Variants in PTPRD observed in about 807,000 individuals in gnomAD.
PTPRD encodes the protein protein tyrosine phosphatase receptor type D, also known as receptor-type tyrosine-protein phosphatase delta.
In PTPRD, 34 loss-of-function variants were observed where a neutral mutation model predicts 214.5. The observed-to-expected ratio is 0.16, with a 90% CI of 0.12 to 0.21. The LOEUF is 0.21. Among genes scored for constraint, PTPRD ranks in the 10% least tolerant of loss-of-function variants. The pLI, the probability that PTPRD is intolerant of heterozygous loss-of-function variation, is 1.00. For missense variants in PTPRD, 2,545 were observed against 2,398.7 expected, an observed-to-expected ratio of 1.06 and a Z score of -1.27; for synonymous variants, 1,128 against 845.7, an observed-to-expected ratio of 1.33 and a Z score of -5.79.
intron 9 of PTPRD, among the ~76,000 whole-genome samples, chr9:9,240,454 T>C (rs1275598126): frequency 1.3e-5 from 2 of 152,118 alleles, no homozygotes. Context: ...GGGCAGATCA[T>C]GAGGTCAGGA....
At chr9:9,084,355 G>C (rs1233718771) in intron 10 of PTPRD, among the ~76,000 whole-genome samples, 1 of 152,052 alleles carries the variant, frequency 6.6e-6, no homozygotes, top group Admixed American at 6.6e-5. Context: ...TGAACAATGA[G>C]AACATATGGA....
intron 39 of PTPRD, among the ~76,000 whole-genome samples, chr9:8,357,552 CTCTG>C (rs2077280549): frequency 6.6e-6 from 1 of 152,162 alleles, no homozygotes; most frequent in Non-Finnish European, 1.5e-5. Context: ...CTTTTATTGG[CTCTG>C]TCTGTTTTGG....
intron 9 of PTPRD, among the ~76,000 whole-genome samples, chr9:9,255,151 T>G (rs193090464): frequency 1.2e-3 from 185 of 152,198 alleles, no homozygotes; most frequent in African/African-American, 3.9e-3. Flanking sequence ...AGAAAAACAA[T>G]GAACATCTGT....
At chr9:10,407,522 C>G (rs1587487954) in intron 2 of PTPRD, among the ~76,000 whole-genome samples, 1 of 151,508 alleles carries the variant, frequency 6.6e-6, no homozygotes, top group Non-Finnish European at 1.5e-5. Flanking sequence ...CAGCTGCAAA[C>G]AGCTTTCGGC....
chr9:10,345,622 C>T (rs768996249), intron 2 of PTPRD, among the ~76,000 whole-genome samples: 1 of 152,178 alleles, frequency 6.6e-6, no homozygotes, highest in African/African-American at 2.4e-5. Context: ...ACACAGTATT[C>T]CACGGTGTAT....
chr9:10,049,744 T>C (rs961729361), intron 3 of PTPRD, among the ~76,000 whole-genome samples: 2 of 152,164 alleles, frequency 1.3e-5, no homozygotes, highest in Non-Finnish European at 2.9e-5. Flanking sequence ...AATAAAACCT[T>C]TATAGCAGTG....
intron 5 of PTPRD, among the ~76,000 whole-genome samples, chr9:9,894,425 A>G (rs2153789686): frequency 6.6e-6 from 1 of 152,166 alleles, no homozygotes; most frequent in Admixed American, 6.6e-5. Context: ...CCTTTAGCTC[A>G]TTGTGCTTTA....
chr9:8,618,897 TTTGTC>T (rs1564757417), intron 14 of PTPRD, among the ~76,000 whole-genome samples: 167 of 139,374 alleles, frequency 1.2e-3, no homozygotes, highest in African/African-American at 4.0e-3. Context: ...TGTGTGTGTG[TTTGTC>T]TGTGTTTTTT....
At chr9:8,914,804 A>G (rs1357449144) in intron 11 of PTPRD, among the ~76,000 whole-genome samples, 4 of 152,156 alleles carry the variant, frequency 2.6e-5, no homozygotes, top group Admixed American at 2.6e-4. Flanking sequence ...TTTAGAATTG[A>G]TGATTTAAGG....
chr9:9,292,934 T>C (rs1388444487), intron 9 of PTPRD, among the ~76,000 whole-genome samples: 1 of 151,530 alleles, frequency 6.6e-6, no homozygotes, highest in African/African-American at 2.4e-5. Flanking sequence ...TCTAATCCTA[T>C]ACTATCAACA....
intron 14 of PTPRD, among the ~76,000 whole-genome samples, chr9:8,566,303 T>C (rs2089161662): frequency 6.6e-6 from 1 of 152,112 alleles, no homozygotes; most frequent in African/African-American, 2.4e-5. Flanking sequence ...GAATTGCTGT[T>C]TCGAAATCTG....
At chr9:9,350,434 C>G (rs753013091) in intron 9 of PTPRD, among the ~76,000 whole-genome samples, 1 of 151,994 alleles carries the variant, frequency 6.6e-6, no homozygotes, top group Non-Finnish European at 1.5e-5. Flanking sequence ...TGTATCAACT[C>G]CTCTGTAAGA....
chr9:8,342,301 CA>C (rs1312656312), intron 39 of PTPRD, among the ~76,000 whole-genome samples: 1 of 151,980 alleles, frequency 6.6e-6, no homozygotes. Flanking sequence ...GAAAAAAATA[CA>C]AACATTTAGT....
chr9:9,170,395 G>A (rs967541743), intron 10 of PTPRD, among the ~76,000 whole-genome samples: 3 of 152,136 alleles, frequency 2.0e-5, no homozygotes, highest in African/African-American at 4.8e-5. Flanking sequence ...TAGATTGGGT[G>A]GTTTGATTTT....
At chr9:10,177,030 C>T (rs1411169267) in intron 3 of PTPRD, among the ~76,000 whole-genome samples, 1 of 151,846 alleles carries the variant, frequency 6.6e-6, no homozygotes, top group Non-Finnish European at 1.5e-5. Context: ...TTACAACCAG[C>T]ATGCTAGGTA....
chr9:10,443,845 TCACA>T (rs141638837), intron 2 of PTPRD, among the ~76,000 whole-genome samples: 1 of 148,614 alleles, frequency 6.7e-6, no homozygotes, highest in African/African-American at 2.5e-5. Context: ...TACCTCAAAT[TCACA>T]CACACACACA....
intron 5 of PTPRD, among the ~76,000 whole-genome samples, chr9:9,919,658 C>T (rs771752319): frequency 1.3e-5 from 2 of 152,130 alleles, no homozygotes; most frequent in African/African-American, 2.4e-5. Context: ...GACTATATTG[C>T]AGCTTAATGA....
At chr9:9,836,957 G>A (rs905381364) in intron 5 of PTPRD, among the ~76,000 whole-genome samples, 5 of 152,082 alleles carry the variant, frequency 3.3e-5, no homozygotes, top group Non-Finnish European at 4.4e-5. Context: ...CACACCAGTT[G>A]GTAAAAAGCC....
intron 7 of PTPRD, among the ~76,000 whole-genome samples, chr9:9,697,770 C>A (rs191145242): frequency 1.3e-5 from 2 of 152,242 alleles, no homozygotes; most frequent in African/African-American, 4.8e-5. Flanking sequence ...TGGTCTTGCT[C>A]AACTTCCTCG....
Sources: gnomAD v4.1 joint callset for allele counts (sites outside exome capture counted in the v4.1 genomes callset) on GRCh38, gnomAD v4.1.1 for gene constraint, MANE v1.5 for transcripts, NCBI Gene and HGNC (gene_info 2026-07-23, HGNC 2026-07-21) for gene names.